GRID1: variants seen among roughly 807,000 people sequenced by gnomAD.
GRID1 encodes the protein glutamate ionotropic receptor delta type subunit 1.
In GRID1, 28 loss-of-function variants were observed where a neutral mutation model predicts 98.0. The ratio of observed to expected loss-of-function variants is 0.29; its 90% CI spans 0.21 to 0.39. GRID1 has a LOEUF of 0.39. GRID1 is among the 10% of genes least tolerant of loss of function. The probability of loss-of-function intolerance (pLI) is 1.00; values close to 1 mark genes in which losing one functional copy is unlikely to be tolerated. For missense variants in GRID1, 1,111 were observed against 1,340.5 expected (o/e 0.83, Z 2.67); for synonymous variants, 553 against 538.5 (o/e 1.03, Z -0.37).
chr10:85,792,617 C>T (rs1468322727), intron 8 of GRID1, among the ~76,000 whole-genome samples: 1 of 152,180 alleles, frequency 6.6e-6, no homozygotes, highest in African/African-American at 2.4e-5. Flanking sequence ...CCTCACAATG[C>T]TGGCTAAATG....
At chr10:85,983,846 G>A (rs1842575961) in intron 4 of GRID1, among the ~76,000 whole-genome samples, 1 of 152,166 alleles carries the variant, frequency 6.6e-6, no homozygotes, top group Non-Finnish European at 1.5e-5. Context: ...TCACCATGGG[G>A]TCATGAGCTT....
chr10:85,821,139 T>G (rs1334763464), intron 8 of GRID1, among the ~76,000 whole-genome samples: 1 of 151,978 alleles, frequency 6.6e-6, no homozygotes, highest in Non-Finnish European at 1.5e-5. Context: ...CAAAATCACA[T>G]TCTAGAAGAA....
intron 3 of GRID1, among the ~76,000 whole-genome samples, chr10:86,171,686 G>A (rs1176649157): frequency 6.6e-6 from 1 of 152,210 alleles, no homozygotes; most frequent in Non-Finnish European, 1.5e-5. Flanking sequence ...AGACCAAAAA[G>A]TTGGAGCAAT....
At chr10:86,354,803 G>A (rs1358074392) in intron 2 of GRID1, among the ~76,000 whole-genome samples, 5 of 152,136 alleles carry the variant, frequency 3.3e-5, no homozygotes, top group South Asian at 2.1e-4. Flanking sequence ...TGGAAATACC[G>A]TGCCGTGACA....
chr10:85,723,388 C>T (rs150123813), intron 11 of GRID1, among the ~76,000 whole-genome samples: 3 of 152,044 alleles, frequency 2.0e-5, no homozygotes, highest in Non-Finnish European at 2.9e-5. Flanking sequence ...TCTAGTGGTG[C>T]GAAGGTTGTC....
chr10:86,313,170 G>C (rs911166912), intron 2 of GRID1, among the ~76,000 whole-genome samples: 10 of 152,212 alleles, frequency 6.6e-5, no homozygotes, highest in Non-Finnish European at 1.0e-4. Flanking sequence ...TGGGGAAAGG[G>C]GGATCAGAAG....
rs571160769 is a variant in GRID1 at position 86,220,857 on chromosome 10, G to A, written c.236-14209C>T. ...TTAGAGAATGAGTCAGCCAGGTGTC[G>A]GGGGTGCGCCATGCACCCAGCACCA... On this transcript the variant is annotated intron_variant, in intron 2 of 15. Coordinates refer to ENST00000327946, the MANE Select transcript of GRID1 (RefSeq NM_017551.3). Among the ~76,000 whole-genome samples the A allele has an allele frequency of 4.6e-5, 7 of 152,298 alleles. No homozygotes were observed. The East Asian group carries it at 7.7e-4, about 17-fold the overall frequency.
chr10:85,909,116 G>C (rs1293061257), intron 5 of GRID1, among the ~76,000 whole-genome samples: 1 of 151,990 alleles, frequency 6.6e-6, no homozygotes, highest in Non-Finnish European at 1.5e-5. Flanking sequence ...AATATAAATG[G>C]GTAAGTTGTT....
At chr10:85,850,641 TC>T (rs746199093) in intron 8 of GRID1, among the ~76,000 whole-genome samples, 12 of 152,182 alleles carry the variant, frequency 7.9e-5, no homozygotes, top group Non-Finnish European at 1.6e-4. Flanking sequence ...TTCCTGTGCC[TC>T]TCTGCTCTTG....
intron 4 of GRID1, among the ~76,000 whole-genome samples, chr10:86,088,121 AT>A (rs1168792827): frequency 6.6e-6 from 1 of 152,174 alleles, no homozygotes; most frequent in Non-Finnish European, 1.5e-5. Context: ...CTCTCACCCA[AT>A]TCTCAAGTTT....
intron 2 of GRID1, among the ~76,000 whole-genome samples, chr10:86,352,553 C>T (rs911111160): frequency 6.6e-6 from 1 of 152,142 alleles, no homozygotes; most frequent in African/African-American, 2.4e-5. Context: ...CAGAGAGACA[C>T]AGCAAGCTCT....
Position 86,343,635 on chromosome 10 carries a change from C to T in GRID1, c.235+20306G>A, listed in dbSNP as rs116765357. On this transcript the variant is annotated intron_variant, in intron 2 of 15. Transcript: ENST00000327946. ...ATACACAGCCTCTGGTGGCTGAGGC[C>T]CCCAAGGTGGGAAAGGAGGTGGTCA... Among the ~76,000 whole-genome samples the T allele has an allele frequency of 5.6e-3, 856 of 152,290 alleles. 7 individuals carry two copies. Among genetic ancestry groups the T allele is most frequent in the African/African-American group, 0.019 (810 of 41,564 alleles).
Position 86,181,546 on chromosome 10 carries a change from T to C in GRID1, c.520+24818A>G, listed in dbSNP as rs191385303. Among the ~76,000 whole-genome samples the C allele has an allele frequency of 7.6e-4, 116 of 152,302 alleles. 2 individuals are homozygous for C. The South Asian group carries it at 0.021, about 27-fold the overall frequency. On this transcript the variant is annotated intron_variant, in intron 3 of 15. Coordinates refer to ENST00000327946, the MANE Select transcript of GRID1 (RefSeq NM_017551.3). ...GGTCCAGGAAAGGATTAGGAAAGAA[T>C]GCCTGTGCCCATGGACACCTGAGGG...
intron 8 of GRID1, among the ~76,000 whole-genome samples, chr10:85,758,192 C>G (rs1295752971): frequency 1.3e-5 from 2 of 152,196 alleles, no homozygotes; most frequent in Non-Finnish European, 2.9e-5. Context: ...AAAGTGAAAT[C>G]TATAACCATT....
At chr10:85,820,011 AAGGAAGGAAGGAAGGAAGGCAGGCAGGC>A (rs1252399418) in intron 8 of GRID1, among the ~76,000 whole-genome samples, 3 of 122,488 alleles carry the variant, frequency 2.4e-5, no homozygotes, top group African/African-American at 1.2e-4. Flanking sequence ...GGAAGGAAGG[AAGGAAGGAAGGAAGGAAGGCAGGCAGGC>A]AGGCAGGCAG....
rs144256961 is a variant in GRID1 at position 86,232,291 on chromosome 10, G to A, written c.236-25643C>T. Among the ~76,000 whole-genome samples, 333 of 152,308 alleles carry A rather than the reference G, an allele frequency of 2.2e-3. 2 individuals are homozygous for A. Among genetic ancestry groups the A allele is most frequent in the Middle Eastern group, 0.01 (3 of 294 alleles). The stretch of plus-strand genomic sequence containing the variant: ...CTGTTCCCGCATGCTCTGGAATGCC[G>A]CTCCCGCTCCCTCAGGAACTGATAC... On this transcript the variant is annotated intron_variant, in intron 2 of 15. Transcript: ENST00000327946.
chr10:86,178,959 G>T (rs1029963125), intron 3 of GRID1, among the ~76,000 whole-genome samples: 1 of 152,088 alleles, frequency 6.6e-6, no homozygotes, highest in Non-Finnish European at 1.5e-5. Flanking sequence ...CTCAGGCCTT[G>T]CCCCAGCTGC....
At chr10:86,210,013 G>A (rs1034328498) in intron 2 of GRID1, among the ~76,000 whole-genome samples, 3 of 152,158 alleles carry the variant, frequency 2.0e-5, no homozygotes, top group South Asian at 2.1e-4. Flanking sequence ...GCACTGTCAG[G>A]GGGAAGAGCA....
chr10:86,059,886 G>A (rs577351795), intron 4 of GRID1, among the ~76,000 whole-genome samples: 40 of 152,094 alleles, frequency 2.6e-4, no homozygotes, highest in Non-Finnish European at 5.3e-4. Flanking sequence ...AGAAAAAAAT[G>A]AAAATAAAAA....
Sources: allele counts gnomAD v4.1 joint callset (sites outside exome capture counted in the v4.1 genomes callset), GRCh38; gene constraint gnomAD v4.1.1; transcripts MANE v1.5; gene names NCBI Gene and HGNC (gene_info 2026-07-23, HGNC 2026-07-21).